Variants in ROCK1 observed in about 807,000 individuals in gnomAD.
ROCK1 encodes the protein rho-associated protein kinase 1.
ROCK1 carries 36 observed loss-of-function variants against 196.8 expected under a neutral mutation model. The observed-to-expected ratio is 0.18, with a 90% CI of 0.14 to 0.24. ROCK1 has a LOEUF of 0.24. Ranked by LOEUF, ROCK1 falls within the 10% of genes least tolerant of loss-of-function variation. The pLI is 1.00. For synonymous variants in ROCK1, 443 were observed against 515.9 expected (o/e 0.86, Z 1.91); for missense variants, 920 against 1,562.0 (o/e 0.59, Z 6.93).
chr18:21,050,344 TAA>T (rs202007611), intron 2 of ROCK1, among the ~76,000 whole-genome samples: 13 of 136,582 alleles, frequency 9.5e-5, no homozygotes, highest in African/African-American at 2.1e-4. Flanking sequence ...GCAAACACAC[TAA>T]AAAAAAAAAA....
At chr18:20,996,484 TA>T (rs1429149209) in intron 16 of ROCK1, among the ~76,000 whole-genome samples, 8 of 152,016 alleles carry the variant, frequency 5.3e-5, no homozygotes, top group African/African-American at 9.7e-5. Context: ...GAAAGAGAGA[TA>T]GGGGTAGAAA....
intron 1 of ROCK1, among the ~76,000 whole-genome samples, chr18:21,093,445 C>T (rs1478285125): frequency 6.6e-6 from 1 of 152,070 alleles, no homozygotes; most frequent in Non-Finnish European, 1.5e-5. Context: ...TCCTCAGTAC[C>T]CCATGAAATA....
At chr18:21,058,283 A>G (rs1426645758) in intron 2 of ROCK1, among the ~76,000 whole-genome samples, 1 of 152,170 alleles carries the variant, frequency 6.6e-6, no homozygotes, top group Non-Finnish European at 1.5e-5. Context: ...CTAATGAAAA[A>G]AACAAAAGAT....
intron 16 of ROCK1, among the ~76,000 whole-genome samples, chr18:21,001,044 T>A (rs1024482433): frequency 6.6e-6 from 1 of 152,184 alleles, no homozygotes; most frequent in Non-Finnish European, 1.5e-5. Flanking sequence ...CATCAACAGA[T>A]GAATGGCTAA....
At chr18:21,091,198 A>G (rs2036567072) in intron 1 of ROCK1, among the ~76,000 whole-genome samples, 1 of 151,994 alleles carries the variant, frequency 6.6e-6, no homozygotes, top group Admixed American at 6.6e-5. Context: ...GAGGATGAAG[A>G]CCTTTATGAG....
chr18:21,012,096 C>T (rs764355790), intron 13 of ROCK1, among the ~76,000 whole-genome samples: 27 of 152,068 alleles, frequency 1.8e-4, no homozygotes, highest in Non-Finnish European at 2.5e-4. Context: ...TACAAGTACA[C>T]GCTACCACAC....
Position 20,967,819 on chromosome 18 carries a change from T to C in ROCK1, c.3125A>G (p.Asn1042Ser), listed in dbSNP as rs1216092496. 1 of 1,610,528 alleles carries C rather than the reference T, an allele frequency of 6.2e-7. No individual in the cohort carries two copies. The highest frequency in any genetic ancestry group is 8.5e-7 in the Non-Finnish European group (1 of 1,178,724). Residue 1042 changes from asparagine (N) to serine (S), a missense_variant, in exon 26 of 33, where the codon AAC (asparagine) becomes AGC (serine). By Grantham distance (46) the Asn-to-Ser change is conservative. Transcript: ENST00000399799. ...KENRKLQLELNQEREKFNQMV... is the reference protein window; with the variant it reads ...KENRKLQLELSQEREKFNQMV... Reference sequence around the variant, plus strand: ...CTGGTTGAATTTCTCTCTTTCTTGGTTGAGTTCCAGTTGCAGCTTTCGATT... The same window carrying C: ...CTGGTTGAATTTCTCTCTTTCTTGGCTGAGTTCCAGTTGCAGCTTTCGATT...
intron 27 of ROCK1, among the ~76,000 whole-genome samples, chr18:20,966,445 CAA>C (rs2035375093): frequency 6.6e-6 from 1 of 152,144 alleles, no homozygotes; most frequent in South Asian, 2.1e-4. Flanking sequence ...TAAAACTTAG[CAA>C]AGTCTGACTG....
intron 32 of ROCK1, among the ~76,000 whole-genome samples, chr18:20,952,130 C>T (rs1312219989): frequency 2.0e-5 from 3 of 152,162 alleles, no homozygotes; most frequent in African/African-American, 7.2e-5. Flanking sequence ...TGCCTGTAAT[C>T]GCAGCACTTT....
At chr18:21,038,779 AG>A (rs2036079924) in intron 9 of ROCK1, among the ~76,000 whole-genome samples, 1 of 152,230 alleles carries the variant, frequency 6.6e-6, no homozygotes, top group Admixed American at 6.5e-5. Flanking sequence ...AGATGTCAGC[AG>A]GGGAAAGATG....
intron 4 of ROCK1, among the ~76,000 whole-genome samples, chr18:21,047,208 T>C (rs2036167855): frequency 6.6e-6 from 1 of 152,150 alleles, no homozygotes; most frequent in South Asian, 2.1e-4. Flanking sequence ...TTATGTCACA[T>C]ATTTTTTCAC....
At chr18:21,034,567 CAT>C (rs1306777396) in intron 9 of ROCK1, among the ~76,000 whole-genome samples, 1 of 152,158 alleles carries the variant, frequency 6.6e-6, no homozygotes, top group Non-Finnish European at 1.5e-5. Flanking sequence ...CCTTTCAACA[CAT>C]AGTGTTAGGA....
At chr18:21,023,715 C>A in intron 10 of ROCK1, 35 bp from the exon 11 acceptor site, 2 of 1,236,102 alleles carry the variant, frequency 1.6e-6, no homozygotes, top group Admixed American at 2.2e-5. Flanking sequence ...GAAAAGAAAA[C>A]AAAAAACTCT....
At chr18:21,020,280 A>T (rs2035903216) in intron 11 of ROCK1, 41 bp from the exon 12 acceptor site, 1 of 1,049,578 alleles carries the variant, frequency 9.5e-7, no homozygotes, top group Non-Finnish European at 1.4e-6. Flanking sequence ...TCTACTAAGA[A>T]TATTTAGACA....
intron 10 of ROCK1, among the ~76,000 whole-genome samples, chr18:21,025,677 A>G (rs2035949534): frequency 6.6e-6 from 1 of 152,186 alleles, no homozygotes; most frequent in Admixed American, 6.5e-5. Context: ...CAGAGATTGC[A>G]GTGAGCCAAG....
At chr18:21,066,657 C>T (rs1209026495) in intron 2 of ROCK1, among the ~76,000 whole-genome samples, 1 of 152,224 alleles carries the variant, frequency 6.6e-6, no homozygotes, top group African/African-American at 2.4e-5. Context: ...TTTGCATTTC[C>T]AGCATGTCCT....
At chr18:20,988,899 G>A (rs930008728) in intron 18 of ROCK1, among the ~76,000 whole-genome samples, 1 of 151,962 alleles carries the variant, frequency 6.6e-6, no homozygotes, top group Non-Finnish European at 1.5e-5. Context: ...ATTCCCAGCT[G>A]TGCCTTGTCT....
intron 2 of ROCK1, among the ~76,000 whole-genome samples, chr18:21,069,364 T>C (rs1006815341): frequency 8.5e-5 from 13 of 152,228 alleles, no homozygotes; most frequent in South Asian, 4.1e-4. Context: ...TATATTATTC[T>C]CTGCATTTTT....
chr18:21,025,781 A>G (rs2035950610), intron 10 of ROCK1, among the ~76,000 whole-genome samples: 1 of 152,198 alleles, frequency 6.6e-6, no homozygotes, highest in Admixed American at 6.5e-5. Flanking sequence ...ATGAACAGCA[A>G]CCGTACCTTT....
Sources: gnomAD v4.1 joint callset for allele counts (sites outside exome capture counted in the v4.1 genomes callset) on GRCh38, gnomAD v4.1.1 for gene constraint, MANE v1.5 for transcripts, NCBI Gene and HGNC (gene_info 2026-07-23, HGNC 2026-07-21) for gene names.